SYNPR: variants seen among roughly 807,000 people sequenced by gnomAD.
The protein encoded by SYNPR is synaptoporin.
Under a neutral mutation model 32.9 loss-of-function variants are expected in SYNPR, and 23 were observed. The ratio of observed to expected loss-of-function variants is 0.70; its 90% CI spans 0.50 to 0.99. SYNPR has a LOEUF of 0.99. Ranked by LOEUF, SYNPR falls within the 50% of genes least tolerant of loss-of-function variation. SYNPR has a pLI of 0.00. For missense variants in SYNPR, 318 were observed against 349.3 expected (o/e 0.91, Z 0.71); for synonymous variants, 146 against 135.9 (o/e 1.07, Z -0.52).
At chr3:63,483,423 G>T (rs1272569217) in intron 3 of SYNPR, among the ~76,000 whole-genome samples, 1 of 152,162 alleles carries the variant, frequency 6.6e-6, no homozygotes, top group Non-Finnish European at 1.5e-5. Context: ...CTATATGTAT[G>T]TGTGTGTATG....
rs186082811 is a variant in SYNPR, at chr3:63,573,416, G to T, written c.408+16675G>T. Reference sequence around the variant, plus strand: ...GAAGTCTATTAAGGAAAGATGTCAAGACCGTTAAGAGGCTGATTTTTGTAC... The same window carrying T: ...GAAGTCTATTAAGGAAAGATGTCAATACCGTTAAGAGGCTGATTTTTGTAC... On this transcript the variant is annotated intron_variant, in intron 4 of 5. Coordinates refer to ENST00000478300, the MANE Select transcript of SYNPR (RefSeq NM_001130003.2). Among the ~76,000 whole-genome samples the T allele has an allele frequency of 9.2e-5, 14 of 152,252 alleles. 1 individual carries two copies. Among genetic ancestry groups the T allele is most frequent in the Admixed American group, 8.5e-4 (13 of 15,276 alleles).
intron 4 of SYNPR, among the ~76,000 whole-genome samples, chr3:63,565,219 A>G (rs1386101351): frequency 6.6e-6 from 1 of 152,066 alleles, no homozygotes; most frequent in East Asian, 1.9e-4. Context: ...GAGAGGGAGG[A>G]GGGAGGTGAC....
chr3:63,474,250 G>A (rs766481057), intron 2 of SYNPR, among the ~76,000 whole-genome samples: 6 of 152,144 alleles, frequency 3.9e-5, no homozygotes, highest in South Asian at 2.1e-4. Flanking sequence ...TCCTGGGGAC[G>A]TCTACCTTGC....
chr3:63,462,802 A>G (rs1244651667), intron 2 of SYNPR, among the ~76,000 whole-genome samples: 2 of 152,186 alleles, frequency 1.3e-5, no homozygotes, highest in East Asian at 3.9e-4. Context: ...ATATGCAGTT[A>G]CAACCAATCT....
chr3:63,280,567 A>G (rs974831284), intron 2 of SYNPR, among the ~76,000 whole-genome samples: 1 of 152,078 alleles, frequency 6.6e-6, no homozygotes, highest in African/African-American at 2.4e-5. Flanking sequence ...TACCTCCTCA[A>G]TGAAGACTTT....
chr3:63,212,001 T>C, the SYNPR span, among the ~76,000 whole-genome samples: 1 of 51,498 alleles, frequency 1.9e-5, no homozygotes, highest in East Asian at 2.7e-4. Flanking sequence ...AGAATGATGA[T>C]TTCCAATTTC....
At chr3:63,591,233 A>G (rs1438796131) in intron 4 of SYNPR, among the ~76,000 whole-genome samples, 3 of 135,414 alleles carry the variant, frequency 2.2e-5, no homozygotes, top group Admixed American at 7.1e-5. Context: ...CCATCAGAGA[A>G]ATGCAAATCA....
chr3:63,330,962 A>G (rs2087223169), intron 2 of SYNPR, among the ~76,000 whole-genome samples: 1 of 152,190 alleles, frequency 6.6e-6, no homozygotes, highest in East Asian at 1.9e-4. Context: ...ATTAACAGTA[A>G]GAGAGACCTA....
intron 5 of SYNPR, among the ~76,000 whole-genome samples, chr3:63,609,785 C>T (rs113612577): frequency 0.01 from 1,554 of 152,166 alleles, 12 homozygotes; most frequent in Middle Eastern, 0.02. Context: ...TGGCTCATGC[C>T]TATAGTCCCA....
intron 1 of SYNPR, among the ~76,000 whole-genome samples, chr3:63,236,556 A>T (rs1287182479): frequency 6.6e-6 from 1 of 152,054 alleles, no homozygotes; most frequent in Admixed American, 6.6e-5. Context: ...TCCTAGGTTA[A>T]CATGTTGTAA....
chr3:63,311,499 A>G lies in SYNPR; in HGVS notation c.84+32757A>G, dbSNP rs1052750848. On this transcript the variant is annotated intron_variant, in intron 2 of 5. Transcript: ENST00000478300. Reference sequence around the variant, plus strand: ...CACCCTATTGTGAACTGTGCAAGTGAGGGATCTAGGTTGCATGCTTTTTAT... The same window carrying G: ...CACCCTATTGTGAACTGTGCAAGTGGGGGATCTAGGTTGCATGCTTTTTAT... Among the ~76,000 whole-genome samples the G allele has an allele frequency of 5.9e-5, 9 of 152,090 alleles. No homozygotes were observed. In the South Asian group the frequency reaches 1.9e-3, roughly 32 times the overall value.
chr3:63,373,466 T>G (rs1025522255), intron 2 of SYNPR, among the ~76,000 whole-genome samples: 1 of 152,034 alleles, frequency 6.6e-6, no homozygotes, highest in Non-Finnish European at 1.5e-5. Flanking sequence ...TACACCAAGC[T>G]GAGGAAACAA....
chr3:63,320,771 C>T (rs1041791699), intron 2 of SYNPR, among the ~76,000 whole-genome samples: 4 of 151,984 alleles, frequency 2.6e-5, no homozygotes, highest in Non-Finnish European at 4.4e-5. Flanking sequence ...TTCATGGAAA[C>T]GGCACCACTT....
Position 63,556,568 on chromosome 3 carries a change from C to A in SYNPR, c.235C>A (p.Pro79Thr), listed in dbSNP as rs1314033652. The A allele has an allele frequency of 6.2e-7, 1 of 1,613,178 alleles. No homozygotes were observed. The change falls in exon 4 of 6, where the codon CCC becomes ACC. Residue 79 changes from proline (P) to threonine (T), a missense_variant. Transcript: ENST00000478300. ...FRLHQVTFEVPTCEGKERQKL... is the reference protein window; with the variant it reads ...FRLHQVTFEVTTCEGKERQKL... ...GTTGCACCAGGTGACGTTTGAGGTG[C>A]CCACCTGCGAGGGAAAGGAACGGCA... is the stretch of plus-strand genomic sequence containing the variant.
chr3:63,404,162 T>C (rs1212556389), intron 2 of SYNPR, among the ~76,000 whole-genome samples: 1 of 152,176 alleles, frequency 6.6e-6, no homozygotes, highest in Non-Finnish European at 1.5e-5. Flanking sequence ...CTGTAGATGC[T>C]GTAGAAAGGA....
intron 3 of SYNPR, among the ~76,000 whole-genome samples, chr3:63,499,235 T>C (rs955904013): frequency 9.9e-5 from 15 of 152,120 alleles, no homozygotes; most frequent in African/African-American, 3.6e-4. Context: ...GCGAGAAGGT[T>C]AGGCAAAGAA....
intron 3 of SYNPR, among the ~76,000 whole-genome samples, chr3:63,521,922 C>T (rs1479184673): frequency 2.0e-5 from 3 of 152,106 alleles, no homozygotes; most frequent in East Asian, 1.9e-4. Flanking sequence ...TTCCGACTGG[C>T]CAAAGGCAAC....
At chr3:63,259,342 G>A (rs942433188) in intron 2 of SYNPR, among the ~76,000 whole-genome samples, 5 of 152,210 alleles carry the variant, frequency 3.3e-5, no homozygotes, top group East Asian at 3.9e-4. Context: ...CTGACACACC[G>A]AATCCAGCAG....
chr3:63,367,669 A>C (rs1009620345), intron 2 of SYNPR, among the ~76,000 whole-genome samples: 8 of 152,134 alleles, frequency 5.3e-5, no homozygotes, highest in African/African-American at 1.9e-4. Context: ...CTTGAATTAT[A>C]ATTTAAATAA....
Sources: allele counts gnomAD v4.1 joint callset (sites outside exome capture counted in the v4.1 genomes callset), GRCh38; gene constraint gnomAD v4.1.1; transcripts MANE v1.5; gene names NCBI Gene and HGNC (gene_info 2026-07-23, HGNC 2026-07-21).